P3H2: variants seen among roughly 807,000 people sequenced by gnomAD.
P3H2 encodes leprecan-like 1.
A neutral mutation model predicts 87.0 loss-of-function variants in P3H2; 80 were observed. That is an observed-to-expected ratio of 0.92 (90% CI 0.77 to 1.11). The LOEUF is 1.11. Among genes scored for constraint, P3H2 ranks in the 50% least tolerant of loss-of-function variants. The pLI is 0.00. For missense variants in P3H2, 1,001 were observed against 923.9 expected (o/e 1.08, Z -1.08); for synonymous variants, 367 against 359.3 (o/e 1.02, Z -0.24).
chr3:189,990,539 G>A (rs772891994), intron 3 of P3H2, among the ~76,000 whole-genome samples: 8 of 151,814 alleles, frequency 5.3e-5, no homozygotes, highest in Non-Finnish European at 1.2e-4. Flanking sequence ...CAAAATAGGA[G>A]TGACAGAAAG....
At chr3:190,087,983 C>T (rs914688513) in intron 1 of P3H2, among the ~76,000 whole-genome samples, 16 of 152,214 alleles carry the variant, frequency 1.1e-4, no homozygotes, top group African/African-American at 3.9e-4. Context: ...TTTCTGCCCT[C>T]TCAACACGAG....
intron 3 of P3H2, 68 bp downstream of exon 3, chr3:189,994,025 GT>G (rs1253265647): frequency 3.2e-6 from 4 of 1,236,280 alleles, no homozygotes; most frequent in East Asian, 4.8e-5. Flanking sequence ...TGCTGGAATA[GT>G]TTTTTACAAA....
chr3:189,980,226 T>A (rs964608413), intron 8 of P3H2, among the ~76,000 whole-genome samples: 3 of 152,172 alleles, frequency 2.0e-5, no homozygotes, highest in Admixed American at 2.0e-4. Flanking sequence ...TATACTCTAT[T>A]CTGCGACACA....
chr3:190,095,749 C>T (rs898813442), intron 1 of P3H2, among the ~76,000 whole-genome samples: 11 of 151,830 alleles, frequency 7.2e-5, no homozygotes, highest in East Asian at 3.9e-4. Flanking sequence ...TACAGGCGCC[C>T]GCCACCACGC....
chr3:190,042,121 G>A (rs1725657287), intron 1 of P3H2, among the ~76,000 whole-genome samples: 1 of 152,152 alleles, frequency 6.6e-6, no homozygotes, highest in Non-Finnish European at 1.5e-5. Flanking sequence ...GGGAGGGGTG[G>A]AAGAAAATTA....
intron 1 of P3H2, among the ~76,000 whole-genome samples, chr3:190,083,535 G>C (rs1013794035): frequency 1.3e-5 from 2 of 152,126 alleles, no homozygotes; most frequent in African/African-American, 2.4e-5. Context: ...GAAATAAGGG[G>C]GTAGAAATTA....
chr3:189,971,455 C>T, intron 12 of P3H2: 2 of 266,490 alleles, frequency 7.5e-6, no homozygotes. Context: ...ACATTCTTTT[C>T]TCCTGAGTTT....
intron 1 of P3H2, among the ~76,000 whole-genome samples, chr3:190,117,665 T>C (rs181738979): frequency 7.2e-4 from 103 of 144,004 alleles, no homozygotes; most frequent in Admixed American, 1.3e-3. Flanking sequence ...TTTTTTTCAG[T>C]CTCAAAAGAT....
At chr3:189,976,515 C>T (rs570936037) in intron 8 of P3H2, among the ~76,000 whole-genome samples, 10 of 152,210 alleles carry the variant, frequency 6.6e-5, no homozygotes, top group Non-Finnish European at 1.3e-4. Flanking sequence ...ACTATCTCCA[C>T]CTGGCCCTGC....
At chr3:190,016,076 T>TA (rs1178487926) in intron 1 of P3H2, among the ~76,000 whole-genome samples, 25 of 152,334 alleles carry the variant, frequency 1.6e-4, no homozygotes, top group Middle Eastern at 6.8e-3. Context: ...GCCTCTTTAT[T>TA]ATCTGTGGCT....
At chr3:190,042,117 G>A (rs1019664608) in intron 1 of P3H2, among the ~76,000 whole-genome samples, 2 of 152,078 alleles carry the variant, frequency 1.3e-5, no homozygotes, top group African/African-American at 2.4e-5. Flanking sequence ...TAGAGGGAGG[G>A]GTGGAAGAAA....
intron 1 of P3H2, among the ~76,000 whole-genome samples, chr3:190,113,888 T>C (rs780797347): frequency 1.3e-5 from 2 of 151,880 alleles, no homozygotes; most frequent in African/African-American, 2.4e-5. Flanking sequence ...CCATCCTGGC[T>C]AACACGGTGA....
intron 1 of P3H2, among the ~76,000 whole-genome samples, chr3:190,028,957 G>A (rs918969705): frequency 2.6e-5 from 4 of 152,160 alleles, no homozygotes; most frequent in African/African-American, 7.2e-5. Context: ...GGAGTGTGGG[G>A]GAAGCCAGGG....
At chr3:189,960,358 T>G (rs965809049) in intron 14 of P3H2, among the ~76,000 whole-genome samples, 12 of 152,206 alleles carry the variant, frequency 7.9e-5, no homozygotes, top group African/African-American at 2.9e-4. Context: ...GAATGTAAGC[T>G]CCAGAAGAGC....
At chr3:190,003,742 T>G (rs1215922243) in intron 1 of P3H2, among the ~76,000 whole-genome samples, 1 of 152,166 alleles carries the variant, frequency 6.6e-6, no homozygotes, top group Non-Finnish European at 1.5e-5. Context: ...TGTTTTTGGT[T>G]CTAAATGCTA....
chr3:190,084,264 C>G (rs1727142226), intron 1 of P3H2, among the ~76,000 whole-genome samples: 2 of 152,326 alleles, frequency 1.3e-5, no homozygotes, highest in African/African-American at 4.8e-5. Context: ...ATGTTTGCAG[C>G]TAACAACCTT....
At chr3:189,970,918 G>A in intron 12 of P3H2, 27 bp from the exon 13 acceptor site, 1 of 1,244,976 alleles carries the variant, frequency 8.0e-7, no homozygotes, top group East Asian at 2.3e-5. Context: ...AAAACTATTT[G>A]TATTATTATA....
chr3:189,961,262 T>C (rs143850691), intron 14 of P3H2, among the ~76,000 whole-genome samples: 1 of 152,242 alleles, frequency 6.6e-6, no homozygotes, highest in Non-Finnish European at 1.5e-5. Flanking sequence ...TCCTGATACT[T>C]AACAAATCGA....
chr3:189,979,424 G>A (rs1286938364), intron 8 of P3H2, among the ~76,000 whole-genome samples: 2 of 151,784 alleles, frequency 1.3e-5, no homozygotes, highest in Admixed American at 1.3e-4. Flanking sequence ...TGAGGCTCTG[G>A]CTCTAAAATA....
Sources: allele counts gnomAD v4.1 joint callset (sites outside exome capture counted in the v4.1 genomes callset), GRCh38; gene constraint gnomAD v4.1.1; transcripts MANE v1.5; gene names NCBI Gene and HGNC (gene_info 2026-07-23, HGNC 2026-07-21).